Variants in MARCHF9 observed in about 807,000 individuals in gnomAD.
MARCHF9 encodes membrane associated ring-CH-type finger 9.
A neutral mutation model predicts 35.2 loss-of-function variants in MARCHF9; 17 were observed. That is an observed-to-expected ratio of 0.48 (90% confidence interval 0.33 to 0.72). The LOEUF is 0.72. Ranked by LOEUF, MARCHF9 falls within the 30% of genes least tolerant of loss-of-function variation. MARCHF9 has a pLI of 0.02. For missense variants in MARCHF9, 386 were observed against 478.2 expected, an observed-to-expected ratio of 0.81 and a Z score of 1.80; for synonymous variants, 183 against 207.4, an observed-to-expected ratio of 0.88 and a Z score of 1.01.
chr12:57,759,173 G>T lies in MARCHF9; in HGVS notation c.*276G>T. The T allele has an allele frequency of 4.9e-6, 2 of 406,062 alleles. No homozygotes were observed. The highest frequency in any genetic ancestry group is 8.9e-6 in the Non-Finnish European group (2 of 224,982). 25.2% of individuals were successfully genotyped at this position (406,062 alleles called of 1,614,324 possible). On this transcript the variant is annotated 3_prime_UTR_variant, in exon 4 of 4. Transcript: ENST00000266643. ...GAGAGCAGCTTTCCTTCCCTGGAGA[G>T]AACCGTCTTTACCTCAGCTCCTAGG... is the stretch of plus-strand genomic sequence containing the variant.
At chr12:57,755,931 C>T (rs765875324) in intron 1 of MARCHF9, 46 bp downstream of exon 1, 49 of 1,350,574 alleles carry the variant, frequency 3.6e-5, no homozygotes, top group Non-Finnish European at 4.4e-5. Context: ...GAGGCGCGCA[C>T]CTGGGGTGTC....
At position 57,758,593 on chromosome 12, in the gene MARCHF9, A is replaced by G. The variant is rs367650816; in HGVS notation, c.737A>G (p.Tyr246Cys). 7.4e-6 allele frequency: 12 copies of G among 1,613,088 alleles called. No homozygotes were observed. The East Asian group carries it at 1.1e-4, about 15-fold the overall frequency. The change falls in exon 4 of 4, where the codon TAC (tyrosine) becomes TGC (cysteine). Residue 246 changes from tyrosine (Y) to cysteine (C), a missense_variant. This residue lies in a region of MARCHF9 where 219 missense variants were observed against 316.2 expected (regional missense o/e 0.69). Transcript: ENST00000266643. This position sits in a 1 kb window ranked among gnomAD's most constrained non-coding sequence, Gnocchi z 5.4. ...GLIIHEGSSV[Y>C]RIFKRWQAVN... ...ATCATCCATGAAGGCTCCTCTGTCTACCGCATCTTCAAGCGCTGGCAGGCA... is the reference window on the plus strand; with the variant it reads ...ATCATCCATGAAGGCTCCTCTGTCTGCCGCATCTTCAAGCGCTGGCAGGCA...
intron 1 of MARCHF9, among the ~76,000 whole-genome samples, chr12:57,756,232 C>G (rs1356478177): frequency 2.0e-5 from 3 of 152,216 alleles, no homozygotes; most frequent in Admixed American, 1.3e-4. Flanking sequence ...TGCTTCTGTG[C>G]CCCCCTTGAA....
chr12:57,757,206 CCA>C (rs35101706), intron 2 of MARCHF9, 122 bp downstream of exon 2: 1,060,044 of 1,077,896 alleles, frequency 0.98, 522,310 homozygotes, highest in East Asian at 1. Flanking sequence ...CCGCCAGTTA[CCA>C]CAGTCTCCCG....
Position 57,755,421 on chromosome 12 carries a change from C to T in MARCHF9, c.-108C>T. Reference sequence around the variant, plus strand: ...GTCGCAGGCCCCGAAGACCCCGGCCCGGCTCGGCTCTCTAGCGCGCGCCCC... The same window carrying T: ...GTCGCAGGCCCCGAAGACCCCGGCCTGGCTCGGCTCTCTAGCGCGCGCCCC... On this transcript the variant is annotated 5_prime_UTR_variant, in exon 1 of 4. Transcript: ENST00000266643. The T allele has an allele frequency of 3.4e-6, 2 of 583,714 alleles. No individual in the cohort carries two copies. Among genetic ancestry groups the T allele is most frequent in the South Asian group, 4.6e-5 (1 of 21,584 alleles). The allele number at this position is 583,714 out of a possible 1,614,324, so 36.2% of individuals were successfully genotyped here. A position where few individuals can be genotyped will look rare whatever the true frequency, so the allele number is the denominator to read the frequency against.
chr12:57,757,068 C>T lies in MARCHF9; in HGVS notation c.497C>T (p.Thr166Ile). Reference sequence around the variant, plus strand: ...AAGTACCAGGTCCTGGCGATCAGCACCAAGAACCCACTGCAGGTGAGGTGC... The same window carrying T: ...AAGTACCAGGTCCTGGCGATCAGCATCAAGAACCCACTGCAGGTGAGGTGC... ...YFKYQVLAIS[T>I]KNPLQWQAIS... The change falls in exon 2 of 4, where the codon ACC (threonine) becomes ATC (isoleucine). Residue 166 changes from threonine (T) to isoleucine (I), a missense_variant. By Grantham distance (89) the Thr-to-Ile change is moderately conservative. This residue lies in a region of MARCHF9 where 219 missense variants were observed against 316.2 expected (regional missense o/e 0.69). Transcript: ENST00000266643. 1 of 1,551,712 alleles carries T rather than the reference C, an allele frequency of 6.4e-7. No individual in the cohort carries two copies. The highest frequency in any genetic ancestry group is 1.4e-5 in the African/African-American group (1 of 73,196).
chr12:57,759,343 C>CA lies in MARCHF9; in HGVS notation c.*447dup, dbSNP rs1175015145. 6.3e-6 allele frequency: 1 copy of CA among 158,946 alleles called. No homozygotes were observed. The highest frequency in any genetic ancestry group is 1.4e-5 in the Non-Finnish European group (1 of 72,242). 9.8% of individuals were successfully genotyped at this position (158,946 alleles called of 1,614,324 possible). ...GTATACATTGACCTCCCGTTCCCTGCATGAGGGCGGGGAGTTCCCCCTGCT... is the reference window on the plus strand; with the variant it reads ...GTATACATTGACCTCCCGTTCCCTGCAATGAGGGCGGGGAGTTCCCCCTGCT... On this transcript the variant is annotated 3_prime_UTR_variant, in exon 4 of 4. Coordinates refer to ENST00000266643, the MANE Select transcript of MARCHF9 (RefSeq NM_138396.6).
rs1002410631 is a variant in MARCHF9, at chr12:57,759,010, C to T, written c.*113C>T. 19 of 1,085,520 alleles carry T rather than the reference C, an allele frequency of 1.8e-5. No individual in the cohort carries two copies. Among genetic ancestry groups the T allele is most frequent in the African/African-American group, 1.6e-5 (1 of 62,898 alleles). The allele number at this position is 1,085,520 out of a possible 1,614,324, so 67.2% of individuals were successfully genotyped here. On this transcript the variant is annotated 3_prime_UTR_variant, in exon 4 of 4. Transcript: ENST00000266643. ...GTTTGGGGCATGCTGCCCCCGTCAC[C>T]GAGGATCTGTGTGGGTAGCCTCAAG...
Position 57,758,597 on chromosome 12 carries a change from C to T in MARCHF9, c.741C>T (p.Arg247=). The T allele has an allele frequency of 6.2e-6, 10 of 1,613,382 alleles. No homozygotes were observed. The highest frequency in any genetic ancestry group is 8.5e-6 in the Non-Finnish European group (10 of 1,179,552). ...LIIHEGSSVY[R]IFKRWQAVNQ... is the part of the protein sequence containing the mutation. ...TCCATGAAGGCTCCTCTGTCTACCG[C>T]ATCTTCAAGCGCTGGCAGGCAGTGA... The change falls in exon 4 of 4, where the codon CGC becomes CGT. Residue 247 remains arginine (R), a synonymous_variant. Transcript: ENST00000266643. The surrounding 1 kb of genome is among the most constrained non-coding windows in gnomAD (Gnocchi z 5.4).
chr12:57,755,483 A>G lies in MARCHF9; in HGVS notation c.-46A>G. 1.2e-5 allele frequency: 1 copy of G among 86,552 alleles called. No homozygotes were observed. Among genetic ancestry groups the G allele is most frequent in the Non-Finnish European group, 2.0e-5 (1 of 49,316 alleles). The allele number at this position is 86,552 out of a possible 1,614,324, so 5.4% of individuals were successfully genotyped here. A position where few individuals can be genotyped will look rare whatever the true frequency, so the allele number is the denominator to read the frequency against. On this transcript the variant is annotated 5_prime_UTR_variant, in exon 1 of 4. Coordinates refer to ENST00000266643, the MANE Select transcript of MARCHF9 (RefSeq NM_138396.6). ...TGTCCTCTCCCCTCCCCCCGCCGCT[A>G]GCGAGCCCCCCTTGCACGCTGCCCC...
Position 57,755,722 on chromosome 12 carries a change from C to T in MARCHF9, c.194C>T (p.Ala65Val). ...EEEYYGSEPR[A>V]RGLAGDKEPR... is the part of the protein sequence containing the mutation. Reference sequence around the variant, plus strand: ...GAGTACTACGGGTCGGAGCCGCGGGCCCGGGGCCTGGCCGGCGACAAGGAG... The same window carrying T: ...GAGTACTACGGGTCGGAGCCGCGGGTCCGGGGCCTGGCCGGCGACAAGGAG... The change falls in exon 1 of 4, where the codon GCC becomes GTC. Residue 65 changes from alanine to valine, a missense_variant. Coordinates refer to ENST00000266643, the MANE Select transcript of MARCHF9 (RefSeq NM_138396.6). 8.2e-7 allele frequency: 1 copy of T among 1,222,714 alleles called. No homozygotes were observed. Among genetic ancestry groups the T allele is most frequent in the Non-Finnish European group, 1.0e-6 (1 of 984,270 alleles). The allele number at this position is 1,222,714 out of a possible 1,614,324, so 75.7% of individuals were successfully genotyped here. A position where few individuals can be genotyped will look rare whatever the true frequency, so the allele number is the denominator to read the frequency against.
In MARCHF9 at chr12:57,756,994, C is replaced by T. The variant is rs746131528; in HGVS notation, c.423C>T (p.Ile141=). 15 of 1,599,140 alleles carry T rather than the reference C, an allele frequency of 9.4e-6. No homozygotes were observed. Among genetic ancestry groups the T allele is most frequent in the Non-Finnish European group, 1.3e-5 (15 of 1,172,808 alleles). ...GCTGCACGCATCAGCCCTGCCTCAT[C>T]CGCTGGATCAGCGAGAGGGGCTCCT... ...SVRCTHQPCL[I]RWISERGSWS... Residue 141 remains isoleucine, a synonymous_variant, in exon 2 of 4, where the codon ATC becomes ATT. Coordinates refer to ENST00000266643, the MANE Select transcript of MARCHF9 (RefSeq NM_138396.6).
At chr12:57,756,782 T>C (rs1955290091) in intron 1 of MARCHF9, 147 bp from the exon 2 acceptor site, 4 of 733,684 alleles carry the variant, frequency 5.5e-6, no homozygotes, top group Non-Finnish European at 7.9e-6. Context: ...GCAGCCTTAC[T>C]TAGCCTCTTG....
Position 57,755,869 on chromosome 12 carries a change from TC to T in MARCHF9, c.343del (p.Gln115ArgfsTer9). ...GLRTPQCRIC[F>X]QGPEQGELLS... ...CGAACCCCTCAGTGCCGGATCTGCTTCCAGGGCCCGGAGCAGGTCAGGCCTG... is the reference window on the plus strand; with the variant it reads ...CGAACCCCTCAGTGCCGGATCTGCTTCAGGGCCCGGAGCAGGTCAGGCCTG... On this transcript the variant is annotated frameshift_variant, in exon 1 of 4. Coordinates refer to ENST00000266643, the MANE Select transcript of MARCHF9 (RefSeq NM_138396.6). LOFTEE classifies it high-confidence loss of function. The T allele has an allele frequency of 6.5e-7, 1 of 1,527,542 alleles. No individual in the cohort carries two copies. Among genetic ancestry groups the T allele is most frequent in the Non-Finnish European group, 8.7e-7 (1 of 1,145,694 alleles). 94.6% of individuals were successfully genotyped at this position (1,527,542 alleles called of 1,614,324 possible). A position where few individuals can be genotyped will look rare whatever the true frequency, so the allele number is the denominator to read the frequency against.
chr12:57,757,651 G>GAAAA, intron 2 of MARCHF9: 10 of 250,124 alleles, frequency 4.0e-5, no homozygotes, highest in East Asian at 2.6e-4. Context: ...CGTCTCGAAG[G>GAAAA]AAAAAAAAAA....
chr12:57,755,603 G>A lies in MARCHF9; in HGVS notation c.75G>A (p.Arg25=). The stretch of plus-strand genomic sequence containing the variant: ...TGCTGACAGGCGGGGGGCGGCCCCG[G>A]GCCGAGCCGCAACCCCGGGGGGGCC... ...LLVLTGGGRP[R]AEPQPRGGRG... Residue 25 remains arginine, a synonymous_variant, in exon 1 of 4, where the codon CGG becomes CGA. Transcript: ENST00000266643. 1 of 1,359,440 alleles carries A rather than the reference G, an allele frequency of 7.4e-7. No homozygotes were observed. Among genetic ancestry groups the A allele is most frequent in the Non-Finnish European group, 9.5e-7 (1 of 1,057,112 alleles). 84.2% of individuals were successfully genotyped at this position (1,359,440 alleles called of 1,614,324 possible).
rs2140393964 is a variant in MARCHF9 at position 57,759,166 on chromosome 12, C to T, written c.*269C>T. 4.8e-6 allele frequency: 2 copies of T among 419,618 alleles called. No individual in the cohort carries two copies. The highest frequency in any genetic ancestry group is 6.4e-4 in the Middle Eastern group (1 of 1,570). The allele number at this position is 419,618 out of a possible 1,614,324, so 26.0% of individuals were successfully genotyped here. A position where few individuals can be genotyped will look rare whatever the true frequency, so the allele number is the denominator to read the frequency against. ...AGGCGGGGAGAGCAGCTTTCCTTCC[C>T]TGGAGAGAACCGTCTTTACCTCAGC... On this transcript the variant is annotated 3_prime_UTR_variant, in exon 4 of 4. Coordinates refer to ENST00000266643, the MANE Select transcript of MARCHF9 (RefSeq NM_138396.6).
chr12:57,756,934 G>A lies in MARCHF9; in HGVS notation c.363G>A (p.Glu121=). 1 of 1,544,882 alleles carries A rather than the reference G, an allele frequency of 6.5e-7. No individual in the cohort carries two copies. ...RICFQGPEQG[E]LLSPCRCDGS... ...CCTCCTCACTCTTCCTCCAGGGGGA[G>A]CTCTTAAGCCCCTGCCGCTGCGACG... The change falls in exon 2 of 4, where the codon GAG becomes GAA. Residue 121 remains glutamate, a synonymous_variant. Coordinates refer to ENST00000266643, the MANE Select transcript of MARCHF9 (RefSeq NM_138396.6).
chr12:57,758,226 C>CCCTT lies in MARCHF9; in HGVS notation c.633_634insCTTC (p.Lys212LeufsTer31). 1 of 1,614,234 alleles carries CCCTT rather than the reference C, an allele frequency of 6.2e-7. No homozygotes were observed. Among genetic ancestry groups the CCCTT allele is most frequent in the Non-Finnish European group, 8.5e-7 (1 of 1,180,042 alleles). On this transcript the variant is annotated frameshift_variant, in exon 3 of 4. Transcript: ENST00000266643. LOFTEE classifies it high-confidence loss of function. The surrounding 1 kb of genome is among the most constrained non-coding windows in gnomAD (Gnocchi z 5.4). ...ATCTGGTCCTCACTCAGCCCTTCAG[C>CCCTT]CAAGTGGCAACGACAGGATCTGCTC...
Sources: allele counts gnomAD v4.1 joint callset (sites outside exome capture counted in the v4.1 genomes callset), GRCh38; gene constraint gnomAD v4.1.1; regional missense constraint gnomAD v4.1.1; non-coding constraint Gnocchi (gnomAD v3.1); transcripts MANE v1.5; gene names NCBI Gene and HGNC (gene_info 2026-07-23, HGNC 2026-07-21).